SVEP1: variants seen among roughly 807,000 people sequenced by gnomAD.
The protein encoded by SVEP1 is sushi, von Willebrand factor type A, EGF and pentraxin domain containing 1.
Under a neutral mutation model 367.3 loss-of-function variants are expected in SVEP1, and 164 were observed. The observed-to-expected ratio is 0.45, with a 90% CI of 0.39 to 0.51. The LOEUF is 0.51. Ranked by LOEUF, SVEP1 falls within the 20% of genes least tolerant of loss-of-function variation. The pLI is 0.00. For synonymous variants in SVEP1, 1,666 were observed against 1,611.6 expected, an observed-to-expected ratio of 1.03 and a Z score of -0.81; for missense variants, 4,117 against 4,425.3, an observed-to-expected ratio of 0.93 and a Z score of 1.98.
chr9:110,407,945 T>C lies in SVEP1; in HGVS notation c.7655A>G (p.Asn2552Ser), dbSNP rs775660595. 27 of 1,613,986 alleles carry C rather than the reference T, an allele frequency of 1.7e-5. No individual in the cohort carries two copies. Among genetic ancestry groups the C allele is most frequent in the Non-Finnish European group, 2.2e-5 (26 of 1,179,892 alleles). ...TTGTGGGGAATCACAGTGGATGGCA[T>C]TGCAAGATGGGGCATCTACATCCCA... ...GDWDVDAPSC[N>S]AIHCDSPQPI... Residue 2552 changes from asparagine (N) to serine (S), a missense_variant, in exon 38 of 48, where the codon AAT (asparagine) becomes AGT (serine). Transcript: ENST00000374469.
rs545563613 is a variant in SVEP1, at chr9:110,370,141, G to A, written c.10601-125C>T. The stretch of plus-strand genomic sequence containing the variant: ...CAGCCACTGCTGGTCTTCATATACC[G>A]TTAGCATTATCCATTTCTGCTGTTC... On this transcript the variant is annotated intron_variant, in intron 46 of 47. Coordinates refer to ENST00000374469, the MANE Select transcript of SVEP1 (RefSeq NM_153366.4). 82 of 785,534 alleles carry A rather than the reference G, an allele frequency of 1.0e-4. 1 individual carries two copies. The highest frequency in any genetic ancestry group is 7.6e-4 in the South Asian group (43 of 56,414). 48.7% of individuals were successfully genotyped at this position (785,534 alleles called of 1,614,324 possible).
At chr9:110,459,204 A>G in intron 18 of SVEP1, 91 bp from the exon 19 acceptor site, 1 of 1,211,970 alleles carries the variant, frequency 8.3e-7, no homozygotes, top group Non-Finnish European at 1.2e-6. Context: ...TAAGAAACCT[A>G]CTGAATTATC....
intron 3 of SVEP1, among the ~76,000 whole-genome samples, chr9:110,518,176 A>G (rs1008007924): frequency 3.3e-5 from 5 of 152,078 alleles, no homozygotes; most frequent in Non-Finnish European, 7.4e-5. Context: ...TAATCCCAGC[A>G]CTTTGGGAGG....
At chr9:110,385,797 C>T in intron 43 of SVEP1, 101 bp downstream of exon 43, 1 of 1,243,876 alleles carries the variant, frequency 8.0e-7, no homozygotes, top group East Asian at 2.6e-5. Context: ...GCACAGAGAT[C>T]TAAGTATCTA....
chr9:110,481,269 A>T lies in SVEP1; in HGVS notation c.2338T>A (p.Tyr780Asn), dbSNP rs1356299556. 1.1e-5 allele frequency: 17 copies of T among 1,602,096 alleles called. No individual in the cohort carries two copies. Among genetic ancestry groups the T allele is most frequent in the Non-Finnish European group, 1.4e-5 (16 of 1,173,918 alleles). The change falls in exon 12 of 48, where the codon TAT becomes AAT. Residue 780 changes from tyrosine to asparagine, a missense_variant. Transcript: ENST00000374469. ...GCACAGTCTGGCCATTCAGTGGTAT[A>T]TGTTGGTTTCCAGACGCCATCTTCA... ...AYEDGVWKPT[Y>N]TTEWPDCAKK...
Position 110,450,043 on chromosome 9 carries a change from A to G in SVEP1, c.4103+16T>C. 1 of 1,613,174 alleles carries G rather than the reference A, an allele frequency of 6.2e-7. No individual in the cohort carries two copies. The highest frequency in any genetic ancestry group is 1.1e-5 in the South Asian group (1 of 91,000). On this transcript the variant is annotated intron_variant, in intron 24 of 47. Coordinates refer to ENST00000374469, the MANE Select transcript of SVEP1 (RefSeq NM_153366.4). Reference sequence around the variant, plus strand: ...AAAAATAAAAACAGTGAAAAGAATCAGACTTAGCCTTTTACCTGAAGCTAT... The same window carrying G: ...AAAAATAAAAACAGTGAAAAGAATCGGACTTAGCCTTTTACCTGAAGCTAT...
chr9:110,555,089 T>A (rs1830339250), intron 1 of SVEP1, among the ~76,000 whole-genome samples: 1 of 152,134 alleles, frequency 6.6e-6, no homozygotes, highest in Non-Finnish European at 1.5e-5. Flanking sequence ...GAAGTCACAG[T>A]CTCACCTCCA....
At chr9:110,446,607 G>C (rs931416029) in intron 25 of SVEP1, among the ~76,000 whole-genome samples, 1 of 152,162 alleles carries the variant, frequency 6.6e-6, no homozygotes, top group Non-Finnish European at 1.5e-5. Context: ...GAAGTCAAGC[G>C]GCTTATCAAA....
intron 13 of SVEP1, among the ~76,000 whole-genome samples, chr9:110,477,770 A>G (rs1343706700): frequency 6.6e-6 from 1 of 152,028 alleles, no homozygotes; most frequent in Non-Finnish European, 1.5e-5. Context: ...AGAAGATATA[A>G]AAAAAATCCA....
intron 3 of SVEP1, among the ~76,000 whole-genome samples, chr9:110,525,412 A>G: frequency 6.6e-6 from 1 of 152,340 alleles, no homozygotes; most frequent in Non-Finnish European, 1.5e-5. Context: ...ATACTATACA[A>G]TGCTGAAAAG....
intron 31 of SVEP1, 73 bp from the exon 32 acceptor site, chr9:110,432,107 T>C (rs762141091): frequency 2.7e-6 from 4 of 1,487,216 alleles, no homozygotes; most frequent in Non-Finnish European, 3.6e-6. Flanking sequence ...GTTTTTACTT[T>C]TAAATCATTA....
chr9:110,579,437 G>C lies in SVEP1; in HGVS notation c.107C>G (p.Pro36Arg). The change falls in exon 1 of 48, where the codon CCC becomes CGC. Residue 36 changes from proline (P) to arginine (R), a missense_variant. Pro to Arg is a moderately radical substitution (Grantham distance 103). Around this residue, in one of 4 missense-constraint regions of SVEP1, gnomAD observed 161 missense variants for 122.4 expected, o/e 1.32. Transcript: ENST00000374469. This position sits in a 1 kb window ranked among gnomAD's most constrained non-coding sequence, Gnocchi z 5.3. ...PSRNFSFRLF[P>R]ETAPGAPGSI... is the part of the protein sequence containing the mutation. ...CCCGGGGGCCCCGGGCGCGGTCTCGGGGAAGAGGCGGAAGCTGAAATTGCG... is the reference window on the plus strand; with the variant it reads ...CCCGGGGGCCCCGGGCGCGGTCTCGCGGAAGAGGCGGAAGCTGAAATTGCG... 1 of 1,592,974 alleles carries C rather than the reference G, an allele frequency of 6.3e-7. No individual in the cohort carries two copies. The highest frequency in any genetic ancestry group is 2.3e-5 in the East Asian group (1 of 43,780).
chr9:110,366,545 C>G lies in SVEP1; in HGVS notation c.10710G>C (p.Gly3570=). 1 of 1,554,340 alleles carries G rather than the reference C, an allele frequency of 6.4e-7. No individual in the cohort carries two copies. The highest frequency in any genetic ancestry group is 8.7e-7 in the Non-Finnish European group (1 of 1,153,182). The part of the protein sequence containing the change: ...GHNCSRKRRT[G]F ...CCAGATGGTCGTGCAGTGGTTAAAA[C>G]CCAGTCCTCCTTTTCCTGGAAAAAA... The change falls in exon 48 of 48, where the codon GGG becomes GGC. Residue 3570 remains glycine, a synonymous_variant. Transcript: ENST00000374469.
chr9:110,544,029 A>C (rs1483278389), intron 3 of SVEP1, among the ~76,000 whole-genome samples: 1 of 152,092 alleles, frequency 6.6e-6, no homozygotes, highest in East Asian at 1.9e-4. Context: ...GGTTGGACCC[A>C]GGAAGGGGGT....
At chr9:110,525,006 ATAT>A (rs891588727) in intron 3 of SVEP1, among the ~76,000 whole-genome samples, 1 of 152,082 alleles carries the variant, frequency 6.6e-6, no homozygotes, top group African/African-American at 2.4e-5. Context: ...GCCACAAATA[ATAT>A]TATTCTTAAT....
intron 24 of SVEP1, among the ~76,000 whole-genome samples, chr9:110,448,599 C>T (rs533733581): frequency 9.2e-5 from 14 of 152,332 alleles, no homozygotes; most frequent in Admixed American, 6.5e-4. Context: ...ATCATATCCT[C>T]ATCTATGAAA....
chr9:110,390,230 T>TATAAGTATGTGTATATATACTTAC (rs1827621681), intron 40 of SVEP1, among the ~76,000 whole-genome samples: 1 of 134,786 alleles, frequency 7.4e-6, no homozygotes, highest in Admixed American at 7.4e-5. Context: ...TATATACTTA[T>TATAAGTATGTGTATATATACTTAC]ATAAGTATGT....
At chr9:110,394,568 A>C (rs1827726681) in intron 40 of SVEP1, among the ~76,000 whole-genome samples, 1 of 152,230 alleles carries the variant, frequency 6.6e-6, no homozygotes, top group East Asian at 1.9e-4. Context: ...TACAGGAGGA[A>C]GTTCAAACGA....
rs762779377 is a variant in SVEP1 at position 110,427,667 on chromosome 9, G to C, written c.5899C>G (p.Pro1967Ala). ...GTAATGACAGCATCTTTGATGGCAG[G>C]TGGTTCTCCACAGAAGACGAGGTGA... ...ACHLVFCGEP[P>A]AIKDAVITGN... Residue 1967 changes from proline to alanine, a missense_variant, in exon 36 of 48, where the codon CCT becomes GCT. Physicochemically the swap from Pro to Ala is conservative, Grantham distance 27 (BLOSUM62 -1). Coordinates refer to ENST00000374469, the MANE Select transcript of SVEP1 (RefSeq NM_153366.4). 3.7e-6 allele frequency: 6 copies of C among 1,613,842 alleles called. No homozygotes were observed. The highest frequency in any genetic ancestry group is 1.6e-4 in the Middle Eastern group (1 of 6,084).
Sources: gnomAD v4.1 joint callset for allele counts (sites outside exome capture counted in the v4.1 genomes callset) on GRCh38, gnomAD v4.1.1 for gene constraint, gnomAD v4.1.1 regional missense constraint, Gnocchi (gnomAD v3.1) non-coding constraint, MANE v1.5 for transcripts, NCBI Gene and HGNC (gene_info 2026-07-23, HGNC 2026-07-21) for gene names.